The following NPDC1 variants were observed in gnomAD, a reference collection of about 807,000 sequenced individuals.
NPDC1 encodes neural proliferation, differentiation and control 1.
A neutral mutation model predicts 32.5 loss-of-function variants in NPDC1; 18 were observed. The observed-to-expected ratio is 0.55, with a 90% CI of 0.38 to 0.82. The LOEUF (loss-of-function observed/expected upper bound fraction) is 0.82. Ranked by LOEUF, NPDC1 falls within the 40% of genes least tolerant of loss-of-function variation. NPDC1 has a pLI of 0.00. For synonymous variants in NPDC1, 210 were observed against 184.7 expected (o/e 1.14, Z -1.11); for missense variants, 468 against 406.6 (o/e 1.15, Z -1.30).
At chr9:137,041,241 A>T (rs1391336200) in intron 2 of NPDC1, 54 bp from the exon 3 acceptor site, 1 of 1,349,414 alleles carries the variant, frequency 7.4e-7, no homozygotes, top group Non-Finnish European at 9.5e-7. Context: ...AGGTAGCCCC[A>T]GGCCCGGCCT....
rs2131503049 is a variant in NPDC1, at chr9:137,043,010, C to T, written c.176G>A (p.Gly59Asp). 6.2e-7 allele frequency: 1 copy of T among 1,612,842 alleles called. No individual in the cohort carries two copies. Among genetic ancestry groups the T allele is most frequent in the South Asian group, 1.1e-5 (1 of 91,088 alleles). Residue 59 changes from glycine to aspartate, a missense_variant, in exon 2 of 9, where the codon GGT (glycine) becomes GAT (aspartate). Physicochemically the swap from Gly to Asp is moderately conservative, Grantham distance 94. Transcript: ENST00000371601. Reference protein sequence around the residue: ...ALKRRARCPPGAHACGPCLQP... With the variant: ...ALKRRARCPPDAHACGPCLQP... ...AAGGCAGGGCCCACAGGCATGTGCA[C>T]CAGGAGGACACCTTGCCCGCCTCTT...
chr9:137,041,015 A>G, intron 3 of NPDC1, 31 bp from the exon 4 acceptor site: 1 of 1,524,106 alleles, frequency 6.6e-7, no homozygotes, highest in African/African-American at 1.4e-5. Flanking sequence ...GAATGAGAGC[A>G]CTGGGCTAGG....
chr9:137,041,440 G>A (rs937727864), intron 2 of NPDC1, among the ~76,000 whole-genome samples: 7 of 152,172 alleles, frequency 4.6e-5, no homozygotes, highest in Admixed American at 3.9e-4. Context: ...GGGGAGGAAG[G>A]AGTGGGGTCT....
At position 137,045,949 on chromosome 9, in the gene NPDC1, C is replaced by A; in HGVS notation, c.41G>T (p.Arg14Leu). The change falls in exon 1 of 9, where the codon CGG becomes CTG. Residue 14 changes from arginine to leucine, a missense_variant. Transcript: ENST00000371601. ...PLPPPSPRHL[R>L]LLRLLLSGLV... ...GCCGGAGAGCAGCAGCCGCAGCAGC[C>A]GCAGGTGCCGCGGGGAGGGCGGAGG... 8.4e-7 allele frequency: 1 copy of A among 1,191,908 alleles called. No homozygotes were observed. Among genetic ancestry groups the A allele is most frequent in the Non-Finnish European group, 1.0e-6 (1 of 962,352 alleles). 73.8% of individuals were successfully genotyped at this position (1,191,908 alleles called of 1,614,324 possible).
intron 2 of NPDC1, among the ~76,000 whole-genome samples, chr9:137,041,725 C>A (rs1481029140): frequency 6.6e-6 from 1 of 152,052 alleles, no homozygotes; most frequent in African/African-American, 2.4e-5. Context: ...CACACAGACC[C>A]TTACAGCCAC....
intron 2 of NPDC1, among the ~76,000 whole-genome samples, chr9:137,042,276 C>T (rs1245759777): frequency 2.0e-5 from 3 of 151,798 alleles, no homozygotes; most frequent in Non-Finnish European, 2.9e-5. Flanking sequence ...TTTTTTGAGG[C>T]GGAGTCTCGC....
chr9:137,040,032 G>A lies in NPDC1; in HGVS notation c.824C>T (p.Ser275Phe). ...TCCGTCCTCATTCTCCTCATCCGAG[G>A]AGGCCGTGTCCAGCTCCTTGGGTGG... is the stretch of plus-strand genomic sequence containing the variant. ...KEPPKELDTA[S>F]SDEENEDGDF... The change falls in exon 8 of 9, where the codon TCC (serine) becomes TTC (phenylalanine). Residue 275 changes from serine (S) to phenylalanine (F), a missense_variant. Coordinates refer to ENST00000371601, the MANE Select transcript of NPDC1 (RefSeq NM_015392.4). 1.3e-6 allele frequency: 1 copy of A among 779,002 alleles called. No individual in the cohort carries two copies. Among genetic ancestry groups the A allele is most frequent in the African/African-American group, 1.7e-5 (1 of 59,130 alleles). The allele number at this position is 779,002 out of a possible 1,614,324, so 48.3% of individuals were successfully genotyped here. A position where few individuals can be genotyped will look rare whatever the true frequency, so the allele number is the denominator to read the frequency against.
intron 1 of NPDC1, among the ~76,000 whole-genome samples, chr9:137,045,285 T>C (rs1832113190): frequency 6.6e-6 from 1 of 152,162 alleles, no homozygotes; most frequent in Non-Finnish European, 1.5e-5. Context: ...AGGCGGAGGC[T>C]CTGAGGCTGC....
At position 137,042,316 on chromosome 9, in the gene NPDC1, C is replaced by T. The variant is rs545024773; in HGVS notation, c.259+611G>A. The stretch of plus-strand genomic sequence containing the variant: ...CCGCCCAGGCTGGAGTGCAGTGGCG[C>T]GATCTCGGCTCACTGCAAGCTCTGC... On this transcript the variant is annotated intron_variant, in intron 2 of 8. Coordinates refer to ENST00000371601, the MANE Select transcript of NPDC1 (RefSeq NM_015392.4). 4.1e-4 allele frequency among the ~76,000 whole-genome samples: 61 copies of T among 147,758 alleles called. No homozygotes were observed. The South Asian group carries it at 8.9e-3, about 22-fold the overall frequency.
At chr9:137,041,579 C>A (rs1832057179) in intron 2 of NPDC1, among the ~76,000 whole-genome samples, 1 of 152,176 alleles carries the variant, frequency 6.6e-6, no homozygotes, top group Admixed American at 6.5e-5. Flanking sequence ...GGAAGCCAAG[C>A]ACCCGGGACC....
chr9:137,040,597 G>C lies in NPDC1; in HGVS notation c.625C>G (p.Leu209Val). Residue 209 changes from leucine to valine, a missense_variant and splice_region_variant, in exon 6 of 9, where the codon CTG becomes GTG. Coordinates refer to ENST00000371601, the MANE Select transcript of NPDC1 (RefSeq NM_015392.4). ...LSVASLCWCR[L>V]QREIRLTQKA... The stretch of plus-strand genomic sequence containing the variant: ...TGAGTCAGGCGGATCTCACGCTGCA[G>C]CCTGTGGGGAGTGGGGCCTGAGACC... 1 of 1,569,620 alleles carries C rather than the reference G, an allele frequency of 6.4e-7. No homozygotes were observed. The highest frequency in any genetic ancestry group is 8.6e-7 in the Non-Finnish European group (1 of 1,162,990).
chr9:137,040,048 C>T lies in NPDC1; in HGVS notation c.808G>A (p.Glu270Lys). 1.3e-6 allele frequency: 1 copy of T among 778,656 alleles called. No homozygotes were observed. Among genetic ancestry groups the T allele is most frequent in the South Asian group, 1.3e-5 (1 of 74,604 alleles). The allele number at this position is 778,656 out of a possible 1,614,324, so 48.2% of individuals were successfully genotyped here. ...CLERHKEPPK[E>K]LDTASSDEEN... The stretch of plus-strand genomic sequence containing the variant: ...TCATCCGAGGAGGCCGTGTCCAGCT[C>T]CTTGGGTGGCTCTTTATGCCTGGGT... The change falls in exon 8 of 9, where the codon GAG becomes AAG. Residue 270 changes from glutamate to lysine, a missense_variant. Transcript: ENST00000371601.
intron 7 of NPDC1, 120 bp from the exon 8 acceptor site, chr9:137,040,187 A>C: frequency 1.4e-6 from 1 of 703,648 alleles, no homozygotes; most frequent in Non-Finnish European, 2.5e-6. Flanking sequence ...GCCCAGGGTG[A>C]AGTTGGCCAG....
intron 7 of NPDC1, 60 bp from the exon 8 acceptor site, chr9:137,040,127 TG>T: frequency 1.3e-6 from 1 of 746,148 alleles, no homozygotes; most frequent in Non-Finnish European, 2.5e-6. Context: ...TGGCCCAGTC[TG>T]GAAGTGGGCA....
In NPDC1 at chr9:137,040,428, G is replaced by C. The variant is rs1324135070; in HGVS notation, c.717C>G (p.Asp239Glu). ...TCTCCGCGCTCTGTGCCAGCCGCTG[G>C]TCCCCAGGCTGTGGGAAGGAGGAGG... ...SPAAPRISPG[D>E]QRLAQSAEMY... The change falls in exon 7 of 9, where the codon GAC becomes GAG. Residue 239 changes from aspartate (D) to glutamate (E), a missense_variant. Physicochemically the swap from Asp to Glu is conservative, Grantham distance 45. Coordinates refer to ENST00000371601, the MANE Select transcript of NPDC1 (RefSeq NM_015392.4). 2 of 1,553,384 alleles carry C rather than the reference G, an allele frequency of 1.3e-6. No individual in the cohort carries two copies. Among genetic ancestry groups the C allele is most frequent in the South Asian group, 1.2e-5 (1 of 84,238 alleles).
At chr9:137,045,278 C>T (rs576027338) in intron 1 of NPDC1, among the ~76,000 whole-genome samples, 38 of 152,374 alleles carry the variant, frequency 2.5e-4, no homozygotes, top group African/African-American at 8.9e-4. Flanking sequence ...GGGATGCAGG[C>T]GGAGGCTCTG....
At chr9:137,042,628 C>A (rs1832074705) in intron 2 of NPDC1, among the ~76,000 whole-genome samples, 1 of 138,260 alleles carries the variant, frequency 7.2e-6, no homozygotes, top group African/African-American at 2.7e-5. Context: ...AGTGGTGAAT[C>A]GGCTCACTGC....
At position 137,043,358 on chromosome 9, in the gene NPDC1, A is replaced by G. The variant is rs73668384; in HGVS notation, c.113-285T>C. On this transcript the variant is annotated intron_variant, in intron 1 of 8. Transcript: ENST00000371601. The stretch of plus-strand genomic sequence containing the variant: ...AGAAGCTGAGTCTCGCCGTCCAGGC[A>G]GTGCTGAGTTCTCCTGGGCAGGGCC... 1,960 of 716,280 alleles carry G rather than the reference A, an allele frequency of 2.7e-3. 28 individuals carry two copies. The African/African-American group carries it at 0.03, about 11-fold the overall frequency. 44.4% of individuals were successfully genotyped at this position (716,280 alleles called of 1,614,324 possible).
At chr9:137,041,505 C>T (rs897046349) in intron 2 of NPDC1, among the ~76,000 whole-genome samples, 12 of 152,206 alleles carry the variant, frequency 7.9e-5, no homozygotes, top group African/African-American at 2.9e-4. Context: ...TTCTGCTTCC[C>T]CACCTCCAAG....
Sources: gnomAD v4.1 joint callset for allele counts (sites outside exome capture counted in the v4.1 genomes callset) on GRCh38, gnomAD v4.1.1 for gene constraint, MANE v1.5 for transcripts, NCBI Gene and HGNC (gene_info 2026-07-23, HGNC 2026-07-21) for gene names.